Variants in DCAF8 observed in about 807,000 individuals in gnomAD.
DCAF8 encodes DDB1 and CUL4 associated factor 8, also known as DDB1- and CUL4-associated factor 8.
Under a neutral mutation model 68.0 loss-of-function variants are expected in DCAF8, and 20 were observed. That is an observed-to-expected ratio of 0.29 (90% CI 0.21 to 0.43). The LOEUF is 0.43. Among genes scored for constraint, DCAF8 ranks in the 20% least tolerant of loss-of-function variants. The pLI, the probability that DCAF8 is intolerant of heterozygous loss-of-function variation, is 1.00. For missense variants in DCAF8, 460 were observed against 771.0 expected (o/e 0.60, Z 4.78); for synonymous variants, 230 against 276.9 (o/e 0.83, Z 1.68).
intron 6 of DCAF8, among the ~76,000 whole-genome samples, chr1:160,234,938 T>C (rs1297308514): frequency 6.6e-6 from 1 of 152,232 alleles, no homozygotes; most frequent in Non-Finnish European, 1.5e-5. Flanking sequence ...CATTTCTATC[T>C]TTTAAGCAGT....
intron 1 of DCAF8, chr1:160,261,833 G>C (rs1489990605): frequency 6.6e-6 from 1 of 152,386 alleles, no homozygotes; most frequent in Admixed American, 6.5e-5. Context: ...AGTTAGAGGA[G>C]GTAAACTAAG....
chr1:160,227,328 G>C (rs1655512462), intron 7 of DCAF8, among the ~76,000 whole-genome samples: 1 of 152,190 alleles, frequency 6.6e-6, no homozygotes, highest in Non-Finnish European at 1.5e-5. Flanking sequence ...TTGGCAGTTA[G>C]GTTACTGATG....
rs1655971226 is a variant in DCAF8 at position 160,238,535 on chromosome 1, A to T, written c.864+72T>A. Reference sequence around the variant, plus strand: ...AACAAATGTGACACAATGGGCAGAGATAAGGGAGAACCTTGGCTGAGAACC... The same window carrying T: ...AACAAATGTGACACAATGGGCAGAGTTAAGGGAGAACCTTGGCTGAGAACC... On this transcript the variant is annotated intron_variant, in intron 5 of 13. Coordinates refer to ENST00000368074, the MANE Select transcript of DCAF8 (RefSeq NM_015726.4). 2.7e-6 allele frequency: 4 copies of T among 1,475,782 alleles called. No homozygotes were observed. In the Admixed American group the frequency reaches 8.9e-5, roughly 33 times the overall value. 91.4% of individuals were successfully genotyped at this position (1,475,782 alleles called of 1,614,324 possible). A position where few individuals can be genotyped will look rare whatever the true frequency, so the allele number is the denominator to read the frequency against.
At chr1:160,253,754 A>C (rs533759217) in intron 2 of DCAF8, among the ~76,000 whole-genome samples, 30 of 150,880 alleles carry the variant, frequency 2.0e-4, no homozygotes, top group African/African-American at 7.3e-4. Flanking sequence ...GGAGTCCCAG[A>C]GGTCGAGATT....
chr1:160,227,676 A>G (rs867303674), intron 7 of DCAF8, among the ~76,000 whole-genome samples: 1 of 152,226 alleles, frequency 6.6e-6, no homozygotes, highest in Non-Finnish European at 1.5e-5. Flanking sequence ...AAACCATCTA[A>G]TCTCTATTAA....
chr1:160,233,442 C>T (rs1303477663), intron 6 of DCAF8, among the ~76,000 whole-genome samples: 2 of 152,138 alleles, frequency 1.3e-5, no homozygotes, highest in Non-Finnish European at 2.9e-5. Flanking sequence ...AAATGAATGT[C>T]ATTAGGGGAA....
At chr1:160,222,004 C>G (rs1655317348) in intron 11 of DCAF8, among the ~76,000 whole-genome samples, 1 of 152,114 alleles carries the variant, frequency 6.6e-6, no homozygotes, top group Non-Finnish European at 1.5e-5. Context: ...TGCTCAGCTA[C>G]TAAAAAACAA....
intron 3 of DCAF8, among the ~76,000 whole-genome samples, chr1:160,242,304 G>A (rs1477240660): frequency 6.6e-6 from 1 of 151,318 alleles, no homozygotes; most frequent in Non-Finnish European, 1.5e-5. Context: ...GCTAGGGGCT[G>A]GAAGAAAAAG....
chr1:160,256,278 A>G (rs1218785677), intron 2 of DCAF8, among the ~76,000 whole-genome samples: 1 of 152,132 alleles, frequency 6.6e-6, no homozygotes, highest in Non-Finnish European at 1.5e-5. Flanking sequence ...TGCCATTAAC[A>G]GTTTTTGCCA....
intron 2 of DCAF8, among the ~76,000 whole-genome samples, chr1:160,260,591 A>C (rs1462006157): frequency 6.6e-6 from 1 of 152,068 alleles, no homozygotes; most frequent in East Asian, 1.9e-4. Flanking sequence ...GCCTCACGAA[A>C]ACTGCATTTA....
intron 2 of DCAF8, among the ~76,000 whole-genome samples, chr1:160,253,207 A>C (rs1656669201): frequency 1.3e-5 from 2 of 152,172 alleles, no homozygotes; most frequent in Admixed American, 1.3e-4. Context: ...AAAAGGTTTC[A>C]AGGTGAGGAT....
At chr1:160,254,565 G>A (rs1282417131) in intron 2 of DCAF8, among the ~76,000 whole-genome samples, 3 of 151,788 alleles carry the variant, frequency 2.0e-5, no homozygotes, top group Non-Finnish European at 4.4e-5. Context: ...AGGCCGGGCC[G>A]GGTGGATCAC....
At chr1:160,256,780 T>C (rs1431020414) in intron 2 of DCAF8, among the ~76,000 whole-genome samples, 1 of 152,238 alleles carries the variant, frequency 6.6e-6, no homozygotes, top group African/African-American at 2.4e-5. Context: ...CAATGCCCTA[T>C]TGGCAACCTC....
Position 160,217,539 on chromosome 1 carries a change from C to T in DCAF8, c.*53G>A, listed in dbSNP as rs200437421. 831 of 1,389,972 alleles carry T rather than the reference C, an allele frequency of 6.0e-4. 6 individuals are homozygous for T. In the African/African-American group the frequency reaches 9.2e-3, roughly 15 times the overall value. 86.1% of individuals were successfully genotyped at this position (1,389,972 alleles called of 1,614,324 possible). A position where few individuals can be genotyped will look rare whatever the true frequency, so the allele number is the denominator to read the frequency against. ...TAGGGCCTGGGACAGGAAAGGGTTG[C>T]CCAGGCAGGATCAGGTTGGCAGCCC... On this transcript the variant is annotated 3_prime_UTR_variant, in exon 14 of 14. Coordinates refer to ENST00000368074, the MANE Select transcript of DCAF8 (RefSeq NM_015726.4).
In DCAF8 at chr1:160,220,877, C is replaced by T. The variant is rs540799023; in HGVS notation, c.1440+1774G>A. The T allele has an allele frequency of 3.3e-5, 5 of 152,298 alleles. No homozygotes were observed. The East Asian group carries it at 5.8e-4, about 18-fold the overall frequency. The allele number at this position is 152,298 out of a possible 1,614,324, so 9.4% of individuals were successfully genotyped here. A position where few individuals can be genotyped will look rare whatever the true frequency, so the allele number is the denominator to read the frequency against. On this transcript the variant is annotated intron_variant, in intron 11 of 13. Coordinates refer to ENST00000368074, the MANE Select transcript of DCAF8 (RefSeq NM_015726.4). ...CTACATTGAAAGTAGTGCCTGGTAACCCCCACTGCTGGAAAATTAGGACCA... is the reference window on the plus strand; with the variant it reads ...CTACATTGAAAGTAGTGCCTGGTAATCCCCACTGCTGGAAAATTAGGACCA...
chr1:160,225,197 C>A, intron 8 of DCAF8, 78 bp from the exon 9 acceptor site: 1 of 1,346,576 alleles, frequency 7.4e-7, no homozygotes, highest in South Asian at 1.3e-5. Flanking sequence ...GCTTTTCCTT[C>A]AAACTCCCCT....
intron 2 of DCAF8, among the ~76,000 whole-genome samples, chr1:160,260,083 TGCAA>T (rs1557845304): frequency 6.9e-6 from 1 of 145,720 alleles, no homozygotes; most frequent in African/African-American, 2.8e-5. Flanking sequence ...ATCAATGATG[TGCAA>T]AAAAAAAAAA....
chr1:160,246,093 G>A (rs932747015), intron 2 of DCAF8, among the ~76,000 whole-genome samples: 29 of 152,104 alleles, frequency 1.9e-4, no homozygotes, highest in African/African-American at 6.0e-4. Flanking sequence ...AGCCGAGATC[G>A]TGCCATTGCA....
In DCAF8 at chr1:160,258,433, G is replaced by A. The variant is rs193179064; in HGVS notation, c.-27+2852C>T. ...TAGCCTCCCACTCTAATCATCCTAG[G>A]AAATACTACCTAATAAGATGTCACA... On this transcript the variant is annotated intron_variant, in intron 2 of 13. Transcript: ENST00000368074. Among the ~76,000 whole-genome samples, 45 of 152,132 alleles carry A rather than the reference G, an allele frequency of 3.0e-4. 1 individual carries two copies. In the East Asian group the frequency reaches 7.8e-3, roughly 26 times the overall value.
Sources: allele counts gnomAD v4.1 joint callset (sites outside exome capture counted in the v4.1 genomes callset), GRCh38; gene constraint gnomAD v4.1.1; transcripts MANE v1.5; gene names NCBI Gene and HGNC (gene_info 2026-07-23, HGNC 2026-07-21).